TMTC1: variants seen among roughly 807,000 people sequenced by gnomAD.
The protein encoded by TMTC1 is protein O-mannosyl-transferase TMTC1.
In TMTC1, 73 loss-of-function variants were observed where a neutral mutation model predicts 104.8. The observed-to-expected ratio is 0.70, with a 90% confidence interval of 0.58 to 0.85. The LOEUF is 0.85. TMTC1 is among the 40% of genes least tolerant of loss of function. The pLI is 0.00. For synonymous variants in TMTC1, 434 were observed against 428.7 expected, an observed-to-expected ratio of 1.01 and a Z score of -0.15; for missense variants, 1,035 against 1,096.1, an observed-to-expected ratio of 0.94 and a Z score of 0.79.
intron 2 of TMTC1, among the ~76,000 whole-genome samples, chr12:29,765,262 C>T (rs1185569339): frequency 1.3e-5 from 2 of 151,980 alleles, no homozygotes; most frequent in African/African-American, 4.8e-5. Flanking sequence ...ATCTAACTTC[C>T]TATGCATTGT....
chr12:29,567,307 G>A (rs1945543514), intron 9 of TMTC1, among the ~76,000 whole-genome samples: 1 of 152,194 alleles, frequency 6.6e-6, no homozygotes, highest in South Asian at 2.1e-4. Context: ...AAGATAGCCA[G>A]AAAAAGTGAA....
At chr12:29,632,346 GAA>G (rs1938341928) in intron 6 of TMTC1, among the ~76,000 whole-genome samples, 1 of 152,112 alleles carries the variant, frequency 6.6e-6, no homozygotes, top group African/African-American at 2.4e-5. Flanking sequence ...ATCTCATCTT[GAA>G]TGGTAGTTCC....
At chr12:29,547,157 T>G (rs299466) in intron 10 of TMTC1, among the ~76,000 whole-genome samples, 116,215 of 152,108 alleles carry the variant, frequency 0.76, 44,592 homozygotes, top group Middle Eastern at 0.85. Context: ...ATTTATGCAA[T>G]GAAGGAAAAT....
intron 8 of TMTC1, among the ~76,000 whole-genome samples, chr12:29,582,900 A>C (rs1266781462): frequency 6.6e-6 from 1 of 152,238 alleles, no homozygotes; most frequent in Non-Finnish European, 1.5e-5. Flanking sequence ...TGCGGCATTT[A>C]GTGAGGCTGA....
chr12:29,701,365 A>C (rs554949813), intron 5 of TMTC1, among the ~76,000 whole-genome samples: 2 of 152,150 alleles, frequency 1.3e-5, no homozygotes, highest in Non-Finnish European at 2.9e-5. Flanking sequence ...TTAGTGACTG[A>C]GCAAGGCTGG....
chr12:29,737,287 G>A (rs1049752786), intron 5 of TMTC1, among the ~76,000 whole-genome samples: 3 of 152,190 alleles, frequency 2.0e-5, no homozygotes, highest in Non-Finnish European at 4.4e-5. Context: ...GGGAAGCTGA[G>A]GCGGGCGGAT....
At chr12:29,558,136 G>A (rs1414392645) in intron 9 of TMTC1, among the ~76,000 whole-genome samples, 1 of 152,168 alleles carries the variant, frequency 6.6e-6, no homozygotes, top group Non-Finnish European at 1.5e-5. Flanking sequence ...AATCTACACA[G>A]CTCCATAATT....
intron 5 of TMTC1, among the ~76,000 whole-genome samples, chr12:29,697,327 C>G (rs1941453578): frequency 6.6e-6 from 1 of 152,200 alleles, no homozygotes; most frequent in Non-Finnish European, 1.5e-5. Context: ...TGGTTATACT[C>G]TAAGCTTCTT....
At position 29,783,822 on chromosome 12, in the gene TMTC1, C is replaced by CT. The variant is rs1943897215; in HGVS notation, c.-72_-71insA. ...GCATCCTCCCCTACCGGGGCCCCGG[C>CT]GGCGCGCGGCGTCTGCCCGGAGGGG... On this transcript the variant is annotated 5_prime_UTR_variant, in exon 1 of 18. Transcript: ENST00000539277. This position sits in a 1 kb window ranked among gnomAD's most constrained non-coding sequence, Gnocchi z 4.7. 3 of 1,098,294 alleles carry CT rather than the reference C, an allele frequency of 2.7e-6. No individual in the cohort carries two copies. In the African/African-American group the frequency reaches 5.0e-5, roughly 18 times the overall value. The allele number at this position is 1,098,294 out of a possible 1,614,324, so 68.0% of individuals were successfully genotyped here.
intron 5 of TMTC1, among the ~76,000 whole-genome samples, chr12:29,684,116 T>C (rs1406417352): frequency 1.3e-5 from 2 of 152,220 alleles, no homozygotes; most frequent in Non-Finnish European, 2.9e-5. Context: ...AGTGCTGCGA[T>C]TACAGGCATG....
At chr12:29,624,137 G>A (rs7979900) in intron 6 of TMTC1, among the ~76,000 whole-genome samples, 69,111 of 151,634 alleles carry the variant, frequency 0.46, 18,496 homozygotes, top group Non-Finnish European at 0.6. Flanking sequence ...CCACCATCAC[G>A]CCCAGCTACT....
At chr12:29,557,064 T>C (rs928557466) in intron 9 of TMTC1, 64 bp from the exon 10 acceptor site, 2 of 1,564,542 alleles carry the variant, frequency 1.3e-6, no homozygotes, top group African/African-American at 2.7e-5. Flanking sequence ...ACAACTTGCT[T>C]GTTCTTCTTC....
intron 4 of TMTC1, 52 bp downstream of exon 4, chr12:29,755,657 T>C: frequency 7.0e-7 from 1 of 1,438,632 alleles, no homozygotes; most frequent in East Asian, 2.3e-5. Context: ...ATTAAGTAAT[T>C]TTTCTCTGCC....
intron 15 of TMTC1, 98 bp downstream of exon 15, chr12:29,516,251 T>A: frequency 7.0e-7 from 1 of 1,438,120 alleles, no homozygotes; most frequent in Non-Finnish European, 9.3e-7. Flanking sequence ...AGATTTAAGA[T>A]TTCCCAGGCT....
intron 14 of TMTC1, 120 bp downstream of exon 14, chr12:29,517,307 T>C: frequency 9.3e-7 from 1 of 1,076,166 alleles, no homozygotes; most frequent in Non-Finnish European, 1.3e-6. Flanking sequence ...GCTGTATGAA[T>C]ATTCATACAG....
Position 29,506,733 on chromosome 12 carries a change from G to A in TMTC1, c.*113C>T, listed in dbSNP as rs976552609. 60 of 1,363,708 alleles carry A rather than the reference G, an allele frequency of 4.4e-5. No homozygotes were observed. In the Admixed American group the frequency reaches 7.0e-4, roughly 16 times the overall value. The allele number at this position is 1,363,708 out of a possible 1,614,324, so 84.5% of individuals were successfully genotyped here. A position where few individuals can be genotyped will look rare whatever the true frequency, so the allele number is the denominator to read the frequency against. On this transcript the variant is annotated 3_prime_UTR_variant, in exon 18 of 18. Transcript: ENST00000539277. Reference sequence around the variant, plus strand: ...TCCCAAAATGTGTCACCCTGAACTCGGAATGAGAGAAAATCTCATTAGTTG... The same window carrying A: ...TCCCAAAATGTGTCACCCTGAACTCAGAATGAGAGAAAATCTCATTAGTTG...
intron 7 of TMTC1, among the ~76,000 whole-genome samples, chr12:29,587,008 T>G (rs577380048): frequency 1.5e-3 from 227 of 152,292 alleles, no homozygotes; most frequent in African/African-American, 5.4e-3. Context: ...TCAGAAGGAA[T>G]GGTACCAGCT....
rs1310210216 is a variant in TMTC1 at position 29,783,678 on chromosome 12, G to T, written c.74C>A (p.Ala25Glu). ...TPSRRRGCGL[A>E]PAGAAALLAG... ...CAGCAGCGCCGCGGCCCCGGCCGGC[G>T]CTAGCCCGCAGCCCCGCCGCCGGGA... The change falls in exon 1 of 18, where the codon GCG becomes GAG. Residue 25 changes from alanine to glutamate, a missense_variant. Ala to Glu is a moderately radical substitution (Grantham distance 107, BLOSUM62 -1). Coordinates refer to ENST00000539277, the MANE Select transcript of TMTC1 (RefSeq NM_001193451.2). This position sits in a 1 kb window ranked among gnomAD's most constrained non-coding sequence, Gnocchi z 4.7. 1.7e-4 allele frequency: 221 copies of T among 1,304,850 alleles called. No individual in the cohort carries two copies. The East Asian group carries it at 6.7e-3, about 40-fold the overall frequency. 80.8% of individuals were successfully genotyped at this position (1,304,850 alleles called of 1,614,324 possible).
At chr12:29,737,948 G>C (rs1369119580) in intron 5 of TMTC1, among the ~76,000 whole-genome samples, 2 of 152,178 alleles carry the variant, frequency 1.3e-5, no homozygotes, top group Non-Finnish European at 2.9e-5. Context: ...AATCTTGCAA[G>C]ACACTGAAAA....
Sources: allele counts gnomAD v4.1 joint callset (sites outside exome capture counted in the v4.1 genomes callset), GRCh38; gene constraint gnomAD v4.1.1; non-coding constraint Gnocchi (gnomAD v3.1); transcripts MANE v1.5; gene names NCBI Gene and HGNC (gene_info 2026-07-23, HGNC 2026-07-21).